CHD7: variants seen among roughly 807,000 people sequenced by gnomAD.
CHD7 encodes the protein ATP-dependent chromatin remodeler CHD7.
Under a neutral mutation model 307.3 loss-of-function variants are expected in CHD7, and 24 were observed. The ratio of observed to expected loss-of-function variants is 0.08; its 90% CI spans 0.06 to 0.11. CHD7 has a LOEUF of 0.11. CHD7 is among the 10% of genes least tolerant of loss of function. The probability of loss-of-function intolerance (pLI) is 1.00; values close to 1 mark genes in which losing one functional copy is unlikely to be tolerated. For synonymous variants in CHD7, 1,363 were observed against 1,349.9 expected (o/e 1.01, Z -0.21); for missense variants, 3,106 against 3,727.1 (o/e 0.83, Z 4.34).
chr8:60,702,982 A>G (rs1316610834), intron 1 of CHD7, among the ~76,000 whole-genome samples: 1 of 152,186 alleles, frequency 6.6e-6, no homozygotes, highest in Non-Finnish European at 1.5e-5. Flanking sequence ...CTGGTGCTCA[A>G]GCACTTTTCA....
chr8:60,808,054 G>A (rs1032363484), intron 6 of CHD7, among the ~76,000 whole-genome samples, 163 bp from the exon 7 acceptor site: 2 of 152,232 alleles, frequency 1.3e-5, no homozygotes, highest in Admixed American at 6.5e-5. Flanking sequence ...GGCAGTCTTC[G>A]TGGCCCTGGC....
chr8:60,775,251 A>G (rs1358909551), intron 2 of CHD7, among the ~76,000 whole-genome samples: 1 of 145,720 alleles, frequency 6.9e-6, no homozygotes, highest in Non-Finnish European at 1.5e-5. Context: ...AAGATAAATT[A>G]TTTCATTATG....
intron 1 of CHD7, among the ~76,000 whole-genome samples, chr8:60,704,054 C>A (rs1806895284): frequency 6.6e-6 from 1 of 152,112 alleles, no homozygotes; most frequent in African/African-American, 2.4e-5. Context: ...TCCCCTGATG[C>A]TTCCCCTGCC....
chr8:60,865,136 G>A lies in CHD7; in HGVS notation c.8197G>A (p.Ala2733Thr), dbSNP rs370231679. 36 of 1,611,568 alleles carry A rather than the reference G, an allele frequency of 2.2e-5. No homozygotes were observed. Among genetic ancestry groups the A allele is most frequent in the Admixed American group, 3.3e-5 (2 of 59,720 alleles). The change falls in exon 38 of 38, where the codon GCT (alanine) becomes ACT (threonine). Residue 2733 changes from alanine to threonine, a missense_variant. Ala to Thr is a moderately conservative substitution (Grantham distance 58, BLOSUM62 0). Around this residue, in one of 10 missense-constraint regions of CHD7, gnomAD observed 351 missense variants for 366.2 expected, o/e 0.96. Transcript: ENST00000423902. This position sits in a 1 kb window ranked among gnomAD's most constrained non-coding sequence, Gnocchi z 4.3. The part of the protein sequence containing the change: ...SEIARAAAAA[A>T]AVASTSGINP... ...GATCGCCAGAGCAGCCGCGGCCGCC[G>A]CTGCTGTGGCCTCCACGTCAGGGAT...
chr8:60,814,283 G>A (rs1269111510), intron 7 of CHD7, among the ~76,000 whole-genome samples: 1 of 152,190 alleles, frequency 6.6e-6, no homozygotes, highest in Non-Finnish European at 1.5e-5. Context: ...GGAGCCACTT[G>A]CTTATATGCT....
intron 1 of CHD7, among the ~76,000 whole-genome samples, chr8:60,739,399 A>T (rs1169344336): frequency 6.6e-6 from 1 of 152,160 alleles, no homozygotes; most frequent in African/African-American, 2.4e-5. Context: ...CCTTCTTAGG[A>T]GTGTATTTAA....
intron 34 of CHD7, among the ~76,000 whole-genome samples, chr8:60,857,153 C>T (rs1312365862): frequency 2.6e-5 from 4 of 152,214 alleles, no homozygotes; most frequent in Non-Finnish European, 5.9e-5. Context: ...AACCTAGAAA[C>T]ATGTTCTTCT....
intron 13 of CHD7, 34 bp from the exon 14 acceptor site, chr8:60,828,629 A>C (rs757377628): frequency 5.1e-6 from 8 of 1,574,548 alleles, no homozygotes; most frequent in Non-Finnish European, 6.9e-6. Context: ...TTTTTGTTAC[A>C]ATTTGGTTAG....
At chr8:60,846,747 T>C (rs1361964057) in intron 23 of CHD7, among the ~76,000 whole-genome samples, 1 of 152,260 alleles carries the variant, frequency 6.6e-6, no homozygotes, top group Non-Finnish European at 1.5e-5. Context: ...TTGAATTGTC[T>C]AAGATTAGTA....
At chr8:60,717,141 G>A (rs370992514) in intron 1 of CHD7, among the ~76,000 whole-genome samples, 3 of 150,304 alleles carry the variant, frequency 2.0e-5, no homozygotes, top group South Asian at 2.1e-4. Flanking sequence ...CTGGTGATAC[G>A]TACTTTGATC....
chr8:60,860,746 C>A (rs2129700477), intron 34 of CHD7, among the ~76,000 whole-genome samples, 158 bp from the exon 35 acceptor site: 1 of 152,342 alleles, frequency 6.6e-6, no homozygotes, highest in African/African-American at 2.4e-5. Flanking sequence ...CATTTTCTGA[C>A]TTTTAATAGC....
At chr8:60,780,679 T>C (rs2150668204) in intron 2 of CHD7, among the ~76,000 whole-genome samples, 1 of 152,348 alleles carries the variant, frequency 6.6e-6, no homozygotes, top group Admixed American at 6.5e-5. Context: ...TGGTGCTGTT[T>C]TGCCATTCAC....
chr8:60,739,823 C>T (rs933469068), intron 1 of CHD7, among the ~76,000 whole-genome samples: 4 of 152,148 alleles, frequency 2.6e-5, no homozygotes, highest in Non-Finnish European at 1.5e-5. Context: ...ATTGTTCATT[C>T]CCATGCTCTT....
intron 16 of CHD7, 121 bp downstream of exon 16, chr8:60,836,404 C>A: frequency 1.3e-6 from 1 of 742,150 alleles, no homozygotes; most frequent in Non-Finnish European, 2.2e-6. Context: ...AAGTGCATCA[C>A]ATGTCATTTT....
At chr8:60,688,062 T>C (rs1426007369) in intron 1 of CHD7, among the ~76,000 whole-genome samples, 1 of 152,172 alleles carries the variant, frequency 6.6e-6, no homozygotes, top group African/African-American at 2.4e-5. Context: ...CTGCTGTAGT[T>C]GTGGGGCCAT....
intron 15 of CHD7, among the ~76,000 whole-genome samples, chr8:60,831,526 T>G (rs887053688): frequency 3.3e-5 from 5 of 152,018 alleles, no homozygotes; most frequent in Admixed American, 6.6e-5. Context: ...ACCTCCACTC[T>G]ACTCTGCAGG....
intron 1 of CHD7, among the ~76,000 whole-genome samples, chr8:60,690,472 T>C (rs1806138791): frequency 2.0e-5 from 3 of 152,026 alleles, no homozygotes; most frequent in South Asian, 2.1e-4. Flanking sequence ...TTCCCACTTA[T>C]TAAAAAAAAT....
intron 8 of CHD7, among the ~76,000 whole-genome samples, chr8:60,819,413 A>G (rs559808375): frequency 3.6e-4 from 55 of 152,324 alleles, no homozygotes; most frequent in African/African-American, 1.2e-3. Flanking sequence ...TAAACACACT[A>G]TATTCAATGT....
chr8:60,678,811 C>CGGCGGCGGCG lies in CHD7; in HGVS notation c.-445_-444insGCGGCGGCGG, dbSNP rs1563507174. ...GCGGCAGCGGCGGCGGCGGCGGCGGCGCGGGGGTTGAGTCGTGGTGGTGCG... is the reference window on the plus strand; with the variant it reads ...GCGGCAGCGGCGGCGGCGGCGGCGGCGGCGGCGGCGGCGGGGGTTGAGTCGTGGTGGTGCG... On this transcript the variant is annotated 5_prime_UTR_variant, in exon 1 of 38. Transcript: ENST00000423902. 6.8e-6 allele frequency: 1 copy of CGGCGGCGGCG among 146,724 alleles called. No homozygotes were observed. Among genetic ancestry groups the CGGCGGCGGCG allele is most frequent in the Non-Finnish European group, 1.5e-5 (1 of 66,676 alleles). 9.1% of individuals were successfully genotyped at this position (146,724 alleles called of 1,614,324 possible).
Sources: allele counts gnomAD v4.1 joint callset (sites outside exome capture counted in the v4.1 genomes callset), GRCh38; gene constraint gnomAD v4.1.1; regional missense constraint gnomAD v4.1.1; non-coding constraint Gnocchi (gnomAD v3.1); transcripts MANE v1.5; gene names NCBI Gene and HGNC (gene_info 2026-07-23, HGNC 2026-07-21).